Variants in TMEM167A observed in about 807,000 individuals in gnomAD.
TMEM167A encodes transmembrane protein 167A, also known as protein kish-A.
A neutral mutation model predicts 11.6 loss-of-function variants in TMEM167A; 8 were observed. That is an observed-to-expected ratio of 0.69 (90% CI 0.40 to 1.24). TMEM167A has a LOEUF of 1.24. Ranked by LOEUF, TMEM167A falls within the 50% of genes most tolerant of loss-of-function variation. The probability of loss-of-function intolerance (pLI) is 0.01; values close to 1 mark genes in which losing one functional copy is unlikely to be tolerated. For synonymous variants in TMEM167A, 22 were observed against 28.0 expected, an observed-to-expected ratio of 0.79 and a Z score of 0.67; for missense variants, 62 against 87.0, an observed-to-expected ratio of 0.71 and a Z score of 1.14.
At chr5:83,068,197 A>G (rs114828837) in intron 1 of TMEM167A, among the ~76,000 whole-genome samples, 44 of 152,302 alleles carry the variant, frequency 2.9e-4, no homozygotes, top group African/African-American at 9.9e-4. Flanking sequence ...TCCTCCCAAC[A>G]TAACTAAATG....
At chr5:83,076,894 AG>A (rs1744681864) in intron 1 of TMEM167A, among the ~76,000 whole-genome samples, 1 of 152,338 alleles carries the variant, frequency 6.6e-6, no homozygotes, top group African/African-American at 2.4e-5. Flanking sequence ...ATGAAAATGA[AG>A]GTATGGAGTT....
intron 1 of TMEM167A, among the ~76,000 whole-genome samples, chr5:83,065,557 T>C (rs1021248422): frequency 3.3e-5 from 5 of 152,096 alleles, no homozygotes; most frequent in Non-Finnish European, 7.4e-5. Flanking sequence ...TGAACATCTC[T>C]AATCCAAAAT....
At chr5:83,068,804 T>A (rs562627967) in intron 1 of TMEM167A, among the ~76,000 whole-genome samples, 4 of 152,326 alleles carry the variant, frequency 2.6e-5, no homozygotes, top group African/African-American at 9.6e-5. Context: ...TCTAAATTCA[T>A]GACTTTGTAA....
At position 83,053,872 on chromosome 5, in the gene TMEM167A, C is replaced by T. The variant is rs1436431653; in HGVS notation, c.*3212G>A. 6.6e-6 allele frequency: 1 copy of T among 151,962 alleles called. No homozygotes were observed. The highest frequency in any genetic ancestry group is 1.5e-5 in the Non-Finnish European group (1 of 67,916). The allele number at this position is 151,962 out of a possible 1,614,324, so 9.4% of individuals were successfully genotyped here. On this transcript the variant is annotated 3_prime_UTR_variant, in exon 4 of 4. Coordinates refer to ENST00000502346, the MANE Select transcript of TMEM167A (RefSeq NM_174909.5). ...GAATAATAAATGCCATCACATTGTA[C>T]TTTTAATACATACTTCATCTCTTTC...
In TMEM167A at chr5:83,073,371, C is replaced by T. The variant is rs182714673; in HGVS notation, c.3+3950G>A. Among the ~76,000 whole-genome samples the T allele has an allele frequency of 9.8e-4, 149 of 152,224 alleles. No homozygotes were observed. The Middle Eastern group carries it at 0.014, about 14-fold the overall frequency. Reference sequence around the variant, plus strand: ...TATAACAAAAAAAATTTACCATAGGCGAATTGATATAAACAAGAGTTAAGT... The same window carrying T: ...TATAACAAAAAAAATTTACCATAGGTGAATTGATATAAACAAGAGTTAAGT... On this transcript the variant is annotated intron_variant, in intron 1 of 3. Coordinates refer to ENST00000502346, the MANE Select transcript of TMEM167A (RefSeq NM_174909.5).
chr5:83,067,406 T>C (rs185653022), intron 1 of TMEM167A, among the ~76,000 whole-genome samples: 68 of 152,262 alleles, frequency 4.5e-4, no homozygotes, highest in Non-Finnish European at 8.7e-4. Flanking sequence ...TGCTAAGCAG[T>C]AGGCAAAAGG....
In TMEM167A at chr5:83,055,242, T is replaced by A. The variant is rs1335350526; in HGVS notation, c.*1842A>T. ...TCCTCTGAGATGCCAAATTAAGAAA[T>A]GTCTTAGAATATCTAGAATATTCTT... is the stretch of plus-strand genomic sequence containing the variant. On this transcript the variant is annotated 3_prime_UTR_variant, in exon 4 of 4. Transcript: ENST00000502346. 6.6e-6 allele frequency: 1 copy of A among 152,036 alleles called. No homozygotes were observed. The highest frequency in any genetic ancestry group is 1.5e-5 in the Non-Finnish European group (1 of 67,952). 9.4% of individuals were successfully genotyped at this position (152,036 alleles called of 1,614,324 possible). A position where few individuals can be genotyped will look rare whatever the true frequency, so the allele number is the denominator to read the frequency against.
intron 1 of TMEM167A, among the ~76,000 whole-genome samples, chr5:83,074,680 T>C (rs970534720): frequency 2.6e-5 from 4 of 152,202 alleles, no homozygotes; most frequent in African/African-American, 4.8e-5. Context: ...TGCTACAACA[T>C]AGCAGACAAC....
chr5:83,077,257 C>A (rs1243895940), intron 1 of TMEM167A, 64 bp downstream of exon 1: 7 of 1,613,534 alleles, frequency 4.3e-6, no homozygotes, highest in Non-Finnish European at 5.9e-6. Flanking sequence ...CAAACTCCAG[C>A]CCTAGTCTAG....
At position 83,058,046 on chromosome 5, in the gene TMEM167A, C is replaced by T. The variant is rs140232463; in HGVS notation, c.149-892G>A. 2.2e-4 allele frequency among the ~76,000 whole-genome samples: 33 copies of T among 152,168 alleles called. 1 individual carries two copies. In the East Asian group the frequency reaches 6.2e-3, roughly 28 times the overall value. On this transcript the variant is annotated intron_variant, in intron 3 of 3. Transcript: ENST00000502346. ...TTCTAGAAATAATCCTGGGTATGTG[C>T]CTGGCATCCTCTAGTAGAGATGGTT...
Position 83,056,962 on chromosome 5 carries a change from G to A in TMEM167A, c.*122C>T, listed in dbSNP as rs1744340926. ...AACATTAAAATAGAGAACAGCATCTGGAAATTTATCTCATTCAATGTTCGG... is the reference window on the plus strand; with the variant it reads ...AACATTAAAATAGAGAACAGCATCTAGAAATTTATCTCATTCAATGTTCGG... On this transcript the variant is annotated 3_prime_UTR_variant, in exon 4 of 4. Transcript: ENST00000502346. 4 of 865,498 alleles carry A rather than the reference G, an allele frequency of 4.6e-6. No individual in the cohort carries two copies. Among genetic ancestry groups the A allele is most frequent in the Non-Finnish European group, 7.5e-6 (4 of 529,900 alleles). 53.6% of individuals were successfully genotyped at this position (865,498 alleles called of 1,614,324 possible). A position where few individuals can be genotyped will look rare whatever the true frequency, so the allele number is the denominator to read the frequency against.
At chr5:83,075,241 A>G (rs959120434) in intron 1 of TMEM167A, among the ~76,000 whole-genome samples, 1 of 152,182 alleles carries the variant, frequency 6.6e-6, no homozygotes, top group African/African-American at 2.4e-5. Flanking sequence ...ATAGATACCT[A>G]AAGAGAGTAG....
intron 3 of TMEM167A, among the ~76,000 whole-genome samples, chr5:83,060,180 A>C (rs1187184088): frequency 6.9e-6 from 1 of 145,698 alleles, no homozygotes; most frequent in Non-Finnish European, 1.5e-5. Context: ...CAATACTCTA[A>C]AGGGAACACA....
At chr5:83,074,956 G>C (rs376422493) in intron 1 of TMEM167A, among the ~76,000 whole-genome samples, 1 of 152,110 alleles carries the variant, frequency 6.6e-6, no homozygotes, top group African/African-American at 2.4e-5. Context: ...TTTTAGTAGA[G>C]ATGGGGTTTC....
chr5:83,064,295 T>A (rs768073384), intron 2 of TMEM167A: 1 of 518,788 alleles, frequency 1.9e-6, no homozygotes, highest in South Asian at 1.4e-5. Flanking sequence ...TATGAACATA[T>A]TCCTGCTCCC....
rs749748368 is a variant in TMEM167A at position 83,077,342 on chromosome 5, G to T, written c.-19C>A. 2 of 1,613,942 alleles carry T rather than the reference G, an allele frequency of 1.2e-6. No individual in the cohort carries two copies. Among genetic ancestry groups the T allele is most frequent in the Non-Finnish European group, 1.7e-6 (2 of 1,179,990 alleles). ...TTACCATAGCGAGGCCGGCGATGCC[G>T]CAGCCACATCACCCTTCCGGGGCTC... On this transcript the variant is annotated 5_prime_UTR_variant, in exon 1 of 4. Coordinates refer to ENST00000502346, the MANE Select transcript of TMEM167A (RefSeq NM_174909.5).
chr5:83,073,041 C>T (rs1291596728), intron 1 of TMEM167A, among the ~76,000 whole-genome samples: 1 of 152,122 alleles, frequency 6.6e-6, no homozygotes, highest in Non-Finnish European at 1.5e-5. Flanking sequence ...AAAAAATTTG[C>T]TTTTCTTAAT....
rs747341940 is a variant in TMEM167A, at chr5:83,057,124, C to A, written c.179G>T (p.Cys60Phe). ...GATGCTGAAGGCCATTACTATACAG[C>A]ATACTGCAACATAAGGACTCTTCCG... ...GERKSPYVAV[C>F]CIVMAFSILF... The change falls in exon 4 of 4, where the codon TGC (cysteine) becomes TTC (phenylalanine). Residue 60 changes from cysteine (C) to phenylalanine (F), a missense_variant. Coordinates refer to ENST00000502346, the MANE Select transcript of TMEM167A (RefSeq NM_174909.5). 1.2e-6 allele frequency: 2 copies of A among 1,612,144 alleles called. No homozygotes were observed. The highest frequency in any genetic ancestry group is 3.3e-5 in the Admixed American group (2 of 59,920).
chr5:83,062,078 G>C, intron 2 of TMEM167A, 167 bp from the exon 3 acceptor site: 1 of 577,112 alleles, frequency 1.7e-6, no homozygotes. Context: ...ATTCATGTAT[G>C]AAAGTAGGAC....
Sources: allele counts gnomAD v4.1 joint callset (sites outside exome capture counted in the v4.1 genomes callset), GRCh38; gene constraint gnomAD v4.1.1; transcripts MANE v1.5; gene names NCBI Gene and HGNC (gene_info 2026-07-23, HGNC 2026-07-21).